Variants in RBPJ observed in about 807,000 individuals in gnomAD.
RBPJ encodes the protein recombining binding protein suppressor of hairless.
RBPJ carries 9 observed loss-of-function variants against 67.8 expected under a neutral mutation model. The observed-to-expected ratio is 0.13, with a 90% CI of 0.08 to 0.23. The LOEUF is 0.23. Among genes scored for constraint, RBPJ ranks in the 10% least tolerant of loss-of-function variants. RBPJ has a pLI of 1.00. For synonymous variants in RBPJ, 198 were observed against 203.3 expected, an observed-to-expected ratio of 0.97 and a Z score of 0.22; for missense variants, 305 against 595.6, an observed-to-expected ratio of 0.51 and a Z score of 5.08.
At chr4:26,299,382 A>G (rs912463549) in intron 1 of RBPJ, among the ~76,000 whole-genome samples, 5 of 151,938 alleles carry the variant, frequency 3.3e-5, no homozygotes, top group Non-Finnish European at 7.4e-5. Context: ...AGCCACTGAT[A>G]TGGTAGCTAA....
intron 1 of RBPJ, among the ~76,000 whole-genome samples, chr4:26,373,167 A>G (rs1439732809): frequency 6.6e-6 from 1 of 152,260 alleles, no homozygotes; most frequent in African/African-American, 2.4e-5. Context: ...ATGGTGTTAC[A>G]TAAAATGTTT....
intron 1 of RBPJ, among the ~76,000 whole-genome samples, chr4:26,225,215 A>G (rs1238662239): frequency 6.6e-6 from 1 of 152,260 alleles, no homozygotes; most frequent in Non-Finnish European, 1.5e-5. Context: ...GCTTTGTGGT[A>G]GGAAAGCAGA....
intron 1 of RBPJ, among the ~76,000 whole-genome samples, chr4:26,184,201 G>GAGAGA (rs1553846580): frequency 6.8e-6 from 1 of 146,306 alleles, no homozygotes; most frequent in African/African-American, 2.6e-5. Flanking sequence ...AAAAAAGAAA[G>GAGAGA]AAAAAAAATG....
chr4:26,200,797 C>A (rs1420711447), intron 1 of RBPJ, among the ~76,000 whole-genome samples: 1 of 152,172 alleles, frequency 6.6e-6, no homozygotes, highest in African/African-American at 2.4e-5. Context: ...GCCTCCTTGA[C>A]CCCTTACTGT....
At chr4:26,109,666 CTCTATA>C in the RBPJ span, among the ~76,000 whole-genome samples, 2 of 47,048 alleles carry the variant, frequency 4.3e-5, no homozygotes, top group Non-Finnish European at 8.1e-5. Context: ...CTCTCTCTCT[CTCTATA>C]TATATATATA....
At chr4:26,379,129 G>A (rs568730669) in intron 1 of RBPJ, among the ~76,000 whole-genome samples, 10 of 152,118 alleles carry the variant, frequency 6.6e-5, no homozygotes, top group African/African-American at 2.2e-4. Flanking sequence ...ACCTGTAGTG[G>A]CCAGTTGCAT....
At chr4:26,372,806 G>A (rs1034423776) in intron 1 of RBPJ, among the ~76,000 whole-genome samples, 1 of 152,222 alleles carries the variant, frequency 6.6e-6, no homozygotes, top group African/African-American at 2.4e-5. Context: ...CCAAGGCAAA[G>A]CAGCTTGCAG....
intron 7 of RBPJ, chr4:26,425,087 C>G (rs1476680314): frequency 6.6e-6 from 2 of 305,042 alleles, no homozygotes; most frequent in African/African-American, 4.3e-5. Flanking sequence ...GCGGATAAAC[C>G]GTATTCATTT....
At chr4:26,187,221 C>T (rs1391200278) in intron 1 of RBPJ, among the ~76,000 whole-genome samples, 3 of 152,022 alleles carry the variant, frequency 2.0e-5, no homozygotes, top group Admixed American at 6.6e-5. Flanking sequence ...GACCCTGTCT[C>T]GAAAAAACAA....
At chr4:26,309,307 G>A (rs1445385273) in intron 1 of RBPJ, among the ~76,000 whole-genome samples, 2 of 152,114 alleles carry the variant, frequency 1.3e-5, no homozygotes, top group African/African-American at 2.4e-5. Flanking sequence ...CTGAGCCACC[G>A]TGTCCTGTGC....
intron 1 of RBPJ, among the ~76,000 whole-genome samples, chr4:26,304,393 A>G (rs1460792705): frequency 1.3e-5 from 2 of 152,216 alleles, no homozygotes; most frequent in African/African-American, 4.8e-5. Context: ...GAGTAACTCT[A>G]TCGTTACCCT....
chr4:26,234,724 G>A (rs1205484979), intron 1 of RBPJ, among the ~76,000 whole-genome samples: 6 of 151,284 alleles, frequency 4.0e-5, no homozygotes, highest in Non-Finnish European at 8.8e-5. Context: ...ATAGAGTCTC[G>A]CTCTGTCACC....
chr4:26,215,598 C>G (rs115442232), intron 1 of RBPJ, among the ~76,000 whole-genome samples: 1 of 152,092 alleles, frequency 6.6e-6, no homozygotes, highest in Non-Finnish European at 1.5e-5. Flanking sequence ...TAGAAGTGAA[C>G]GATTTTGCCG....
At chr4:26,338,608 C>G (rs1304054406) in intron 1 of RBPJ, among the ~76,000 whole-genome samples, 1 of 143,606 alleles carries the variant, frequency 7.0e-6, no homozygotes, top group Non-Finnish European at 1.5e-5. Flanking sequence ...TAGAGTCTCA[C>G]TCTGCCTCCC....
At chr4:26,334,880 A>G (rs935549478) in intron 1 of RBPJ, among the ~76,000 whole-genome samples, 2 of 152,032 alleles carry the variant, frequency 1.3e-5, no homozygotes, top group Non-Finnish European at 2.9e-5. Flanking sequence ...TTCCAATCTT[A>G]AGTATTGTGA....
At chr4:26,196,580 C>T (rs1717772779) in intron 1 of RBPJ, among the ~76,000 whole-genome samples, 2 of 152,200 alleles carry the variant, frequency 1.3e-5, no homozygotes, top group Admixed American at 1.3e-4. Flanking sequence ...GATAGATCTG[C>T]ACAGTCAGAA....
chr4:26,352,200 A>G (rs532763304), intron 1 of RBPJ, among the ~76,000 whole-genome samples: 1 of 152,294 alleles, frequency 6.6e-6, no homozygotes, highest in South Asian at 2.1e-4. Flanking sequence ...GCTTATGAAC[A>G]ATAGAATTTA....
chr4:26,181,922 A>C (rs1340557227), intron 1 of RBPJ, among the ~76,000 whole-genome samples: 1 of 152,352 alleles, frequency 6.6e-6, no homozygotes, highest in African/African-American at 2.4e-5. Flanking sequence ...ACTGTACACT[A>C]CTGCAGACTT....
chr4:26,126,601 C>T, the RBPJ span, among the ~76,000 whole-genome samples: 1 of 152,218 alleles, frequency 6.6e-6, no homozygotes, highest in South Asian at 2.1e-4. Flanking sequence ...AAACTAATGC[C>T]CTGCTCATTT....
Sources: gnomAD v4.1 joint callset for allele counts (sites outside exome capture counted in the v4.1 genomes callset) on GRCh38, gnomAD v4.1.1 for gene constraint, MANE v1.5 for transcripts, NCBI Gene and HGNC (gene_info 2026-07-23, HGNC 2026-07-21) for gene names.